Variants in DNAJB2 observed in about 807,000 individuals in gnomAD.
DNAJB2 encodes the protein dnaJ homolog subfamily B member 2.
Under a neutral mutation model 33.3 loss-of-function variants are expected in DNAJB2, and 19 were observed. The observed-to-expected ratio is 0.57, with a 90% CI of 0.40 to 0.84. The LOEUF is 0.84. DNAJB2 is among the 40% of genes least tolerant of loss of function. The pLI, the probability that DNAJB2 is intolerant of heterozygous loss-of-function variation, is 0.00. For synonymous variants in DNAJB2, 172 were observed against 164.6 expected, an observed-to-expected ratio of 1.04 and a Z score of -0.34; for missense variants, 368 against 430.9, an observed-to-expected ratio of 0.85 and a Z score of 1.29.
chr2:219,284,587 C>A (rs761690744), intron 8 of DNAJB2, 45 bp from the exon 9 acceptor site: 2 of 1,539,972 alleles, frequency 1.3e-6, no homozygotes, highest in Non-Finnish European at 8.8e-7. Flanking sequence ...GGCAGTAATA[C>A]CCCTGGCTCA....
chr2:219,284,107 T>C (rs1038267329), intron 8 of DNAJB2, among the ~76,000 whole-genome samples: 6 of 152,220 alleles, frequency 3.9e-5, no homozygotes, highest in Non-Finnish European at 8.8e-5. Context: ...TTCTTTTTTT[T>C]CTTTTTTTGA....
rs895899350 is a variant in DNAJB2, at chr2:219,285,895, T to A, written c.*908T>A. ...CAAATCAGGGCTCAGGGAGAGGCCA[T>A]GCGGCCAGCCCAGGTCTGCATGCTG... On this transcript the variant is annotated 3_prime_UTR_variant, in exon 9 of 9. Coordinates refer to ENST00000336576, the MANE Select transcript of DNAJB2 (RefSeq NM_006736.6). 27 of 1,568,808 alleles carry A rather than the reference T, an allele frequency of 1.7e-5. No homozygotes were observed. Among genetic ancestry groups the A allele is most frequent in the African/African-American group, 5.4e-5 (4 of 74,246 alleles).
intron 5 of DNAJB2, chr2:219,282,373 A>T: frequency 4.6e-6 from 2 of 435,100 alleles, no homozygotes; most frequent in East Asian, 8.8e-5. Flanking sequence ...TATTACCTAT[A>T]AAACAGATAG....
rs115665065 is a variant in DNAJB2, at chr2:219,280,915, A to G, written c.175+228A>G. ...GGGAAGGAAGCAGGGCAGGTAACTC[A>G]TGTGAGCTGAGCCTCCTGCGTGCCA... is the stretch of plus-strand genomic sequence containing the variant. On this transcript the variant is annotated intron_variant, in intron 3 of 8. Coordinates refer to ENST00000336576, the MANE Select transcript of DNAJB2 (RefSeq NM_006736.6). The G allele has an allele frequency of 0.018, 9,749 of 539,742 alleles. 163 individuals are homozygous for G. Among genetic ancestry groups the G allele is most frequent in the South Asian group, 0.046 (1,975 of 42,978 alleles). The allele number at this position is 539,742 out of a possible 1,614,324, so 33.4% of individuals were successfully genotyped here. A position where few individuals can be genotyped will look rare whatever the true frequency, so the allele number is the denominator to read the frequency against.
Position 219,282,883 on chromosome 2 carries a change from C to G in DNAJB2, c.399C>G (p.His133Gln), listed in dbSNP as rs771873584. ...FSELQNRGSR[H>Q]SGPFFTFSSS... ...AGCTTCAGAACCGGGGTTCCCGACA[C>G]TCAGGCCCCTTCTTTACCTTCTCTT... is the stretch of plus-strand genomic sequence containing the variant. The change falls in exon 6 of 9, where the codon CAC becomes CAG. Residue 133 changes from histidine (H) to glutamine (Q), a missense_variant. By Grantham distance (24) the His-to-Gln change is conservative. Transcript: ENST00000336576. 6.2e-7 allele frequency: 1 copy of G among 1,607,614 alleles called. No homozygotes were observed. The highest frequency in any genetic ancestry group is 1.1e-5 in the South Asian group (1 of 90,018).
Position 219,279,606 on chromosome 2 carries a change from T to C in DNAJB2, c.-37+88T>C. The C allele has an allele frequency of 1.8e-6, 1 of 545,308 alleles. No individual in the cohort carries two copies. 33.8% of individuals were successfully genotyped at this position (545,308 alleles called of 1,614,324 possible). On this transcript the variant is annotated intron_variant, in intron 1 of 8. Coordinates refer to ENST00000336576, the MANE Select transcript of DNAJB2 (RefSeq NM_006736.6). This position sits in a 1 kb window ranked among gnomAD's most constrained non-coding sequence, Gnocchi z 4.9. The stretch of plus-strand genomic sequence containing the variant: ...CCGATAGGGCTCCTGGGCCTGGGCG[T>C]CGAGATAGCTCTTGGCCCCGGCCTG...
intron 7 of DNAJB2, 63 bp from the exon 8 acceptor site, chr2:219,283,356 C>A: frequency 6.2e-7 from 1 of 1,608,040 alleles, no homozygotes; most frequent in East Asian, 2.2e-5. Context: ...GTGGCCAGAA[C>A]TGGGACCAGC....
chr2:219,285,906 C>G lies in DNAJB2; in HGVS notation c.*919C>G. ...TCAGGGAGAGGCCATGCGGCCAGCC[C>G]AGGTCTGCATGCTGAGCCCCATCCT... On this transcript the variant is annotated 3_prime_UTR_variant, in exon 9 of 9. Coordinates refer to ENST00000336576, the MANE Select transcript of DNAJB2 (RefSeq NM_006736.6). The G allele has an allele frequency of 6.3e-7, 1 of 1,590,074 alleles. No individual in the cohort carries two copies. Among genetic ancestry groups the G allele is most frequent in the Non-Finnish European group, 8.5e-7 (1 of 1,170,882 alleles).
At position 219,284,934 on chromosome 2, in the gene DNAJB2, A is replaced by G. The variant is rs1951941311; in HGVS notation, c.922A>G (p.Thr308Ala). 6.4e-7 allele frequency: 1 copy of G among 1,568,580 alleles called. No individual in the cohort carries two copies. The highest frequency in any genetic ancestry group is 1.2e-5 in the South Asian group (1 of 85,676). Reference sequence around the variant, plus strand: ...CCAGGAGGGTGCGAGGGGTGAAGCAACCAAACGCAGTCCATCCCCAGAGGA... The same window carrying G: ...CCAGGAGGGTGCGAGGGGTGAAGCAGCCAAACGCAGTCCATCCCCAGAGGA... The part of the protein sequence containing the change: ...GTQEGARGEA[T>A]KRSPSPEEKA... Residue 308 changes from threonine to alanine, a missense_variant, in exon 9 of 9, where the codon ACC (threonine) becomes GCC (alanine). Thr to Ala is a moderately conservative substitution (Grantham distance 58). Coordinates refer to ENST00000336576, the MANE Select transcript of DNAJB2 (RefSeq NM_006736.6).
At chr2:219,281,347 C>T (rs1027998296) in intron 3 of DNAJB2, 4 of 231,722 alleles carry the variant, frequency 1.7e-5, no homozygotes, top group Non-Finnish European at 2.6e-5. Flanking sequence ...AAGGCCTCTC[C>T]GAGAAGGTGA....
intron 3 of DNAJB2, 110 bp downstream of exon 3, chr2:219,280,797 C>G: frequency 1.3e-6 from 1 of 796,666 alleles, no homozygotes; most frequent in Non-Finnish European, 2.0e-6. Context: ...GTGCCTTTTT[C>G]CAGCCTGACA....
At position 219,285,367 on chromosome 2, in the gene DNAJB2, AG is replaced by A. The variant is rs879163005; in HGVS notation, c.*381del. ...GGAGGACTTGGCCTAGGGTTGTCTGAGCCGGAGCCGGCAGCTCCACTGGAGA... is the reference window on the plus strand; with the variant it reads ...GGAGGACTTGGCCTAGGGTTGTCTGACCGGAGCCGGCAGCTCCACTGGAGA... On this transcript the variant is annotated 3_prime_UTR_variant, in exon 9 of 9. Coordinates refer to ENST00000336576, the MANE Select transcript of DNAJB2 (RefSeq NM_006736.6). 9.8e-7 allele frequency: 1 copy of A among 1,016,798 alleles called. No individual in the cohort carries two copies. Among genetic ancestry groups the A allele is most frequent in the South Asian group, 4.5e-5 (1 of 22,188 alleles). 63.0% of individuals were successfully genotyped at this position (1,016,798 alleles called of 1,614,324 possible). A position where few individuals can be genotyped will look rare whatever the true frequency, so the allele number is the denominator to read the frequency against.
Position 219,279,476 on chromosome 2 carries a change from A to AGGGGC in DNAJB2, c.-72_-68dup, listed in dbSNP as rs2125081238. On this transcript the variant is annotated 5_prime_UTR_variant, in exon 1 of 9. The change abolishes the stop of an existing upstream ORF in the 5' untranslated region. Transcript: ENST00000336576. This position sits in a 1 kb window ranked among gnomAD's most constrained non-coding sequence, Gnocchi z 4.9. ...TGCCAGACGGTTCCCGGCGGGGGGC[A>AGGGGC]GGGGCGGGGCGCCGCAGGAGGCCGG... The AGGGGC allele has an allele frequency of 4.6e-6, 1 of 216,684 alleles. No homozygotes were observed. The highest frequency in any genetic ancestry group is 6.1e-5 in the Admixed American group (1 of 16,328). The allele number at this position is 216,684 out of a possible 1,614,324, so 13.4% of individuals were successfully genotyped here.
intron 2 of DNAJB2, chr2:219,280,172 C>A: frequency 1.8e-6 from 1 of 540,554 alleles, no homozygotes; most frequent in South Asian, 2.3e-5. Context: ...CCTCCTCCTC[C>A]TTTCCCCTCC....
intron 7 of DNAJB2, 52 bp from the exon 8 acceptor site, chr2:219,283,367 G>A (rs1035809428): frequency 9.3e-6 from 15 of 1,609,196 alleles, no homozygotes; most frequent in African/African-American, 1.3e-5. Flanking sequence ...TGGGACCAGC[G>A]CCTGCAGGAT....
intron 3 of DNAJB2, 61 bp from the exon 4 acceptor site, chr2:219,281,657 C>T (rs1228251489): frequency 6.2e-7 from 1 of 1,607,722 alleles, no homozygotes; most frequent in East Asian, 2.2e-5. Context: ...TTTGAACGTC[C>T]TAGCCTGGGA....
At chr2:219,281,842 T>C in intron 4 of DNAJB2, 71 bp downstream of exon 4, 1 of 1,612,446 alleles carries the variant, frequency 6.2e-7, no homozygotes. Flanking sequence ...ATTCTTGCAA[T>C]GGAGGCTCTC....
chr2:219,284,083 T>C (rs1223395116), intron 8 of DNAJB2, among the ~76,000 whole-genome samples: 1 of 152,190 alleles, frequency 6.6e-6, no homozygotes, highest in Non-Finnish European at 1.5e-5. Context: ...GAAGGCACTA[T>C]CATCATTCCC....
Position 219,282,927 on chromosome 2 carries a change from C to T in DNAJB2, c.443C>T (p.Ser148Phe). 1 of 1,595,202 alleles carries T rather than the reference C, an allele frequency of 6.3e-7. No homozygotes were observed. Among genetic ancestry groups the T allele is most frequent in the South Asian group, 1.1e-5 (1 of 87,872 alleles). The change falls in exon 6 of 9, where the codon TCC becomes TTC. Residue 148 changes from serine to phenylalanine, a missense_variant and splice_region_variant. Physicochemically the swap from Ser to Phe is radical, Grantham distance 155. Transcript: ENST00000336576. ...FTFSSSFPGH[S>F]DFSSSSFSFS... ...TTCTCTTCCTCCTTCCCTGGGCACT[C>T]CGGTAAGTTCTGCCCCTTCCCACGT...
Sources: gnomAD v4.1 joint callset for allele counts (sites outside exome capture counted in the v4.1 genomes callset) on GRCh38, gnomAD v4.1.1 for gene constraint, Gnocchi (gnomAD v3.1) non-coding constraint, MANE v1.5 for transcripts, NCBI Gene and HGNC (gene_info 2026-07-23, HGNC 2026-07-21) for gene names.